HIVEP3: variants seen among roughly 807,000 people sequenced by gnomAD.
The protein encoded by HIVEP3 is transcription factor HIVEP3.
In HIVEP3, 49 loss-of-function variants were observed where a neutral mutation model predicts 152.8. The ratio of observed to expected loss-of-function variants is 0.32; its 90% CI spans 0.26 to 0.41. The LOEUF is 0.41. HIVEP3 is among the 10% of genes least tolerant of loss of function. HIVEP3 has a pLI of 1.00. For missense variants in HIVEP3, 2,790 were observed against 3,103.3 expected, an observed-to-expected ratio of 0.90 and a Z score of 2.40; for synonymous variants, 1,269 against 1,289.0, an observed-to-expected ratio of 0.98 and a Z score of 0.33.
intron 1 of HIVEP3, among the ~76,000 whole-genome samples, chr1:41,779,617 T>G (rs1320331057): frequency 2.0e-5 from 3 of 152,260 alleles, no homozygotes; most frequent in African/African-American, 7.2e-5. Context: ...TACTTCGGCC[T>G]CCCGAATAGC....
intron 1 of HIVEP3, among the ~76,000 whole-genome samples, chr1:41,735,331 G>A (rs572537123): frequency 3.3e-5 from 5 of 152,340 alleles, no homozygotes; most frequent in South Asian, 2.1e-4. Flanking sequence ...TGATGGTGAC[G>A]ATGGTGAAGA....
Position 41,580,159 on chromosome 1 carries a change from T to G in HIVEP3, c.4639A>C (p.Thr1547Pro). The change falls in exon 4 of 9, where the codon ACC becomes CCC. Residue 1547 changes from threonine (T) to proline (P), a missense_variant. By Grantham distance (38) the Thr-to-Pro change is conservative (BLOSUM62 -1). Transcript: ENST00000372583. ...PSGKPHRRGLTPLSVKKEDSK... is the reference protein window; with the variant it reads ...PSGKPHRRGLPPLSVKKEDSK... The stretch of plus-strand genomic sequence containing the variant: ...TCTTCTTTCTTCACGCTCAGTGGGG[T>G]CAACCCTCTTCGGTGAGGTTTGCCA... 6.2e-7 allele frequency: 1 copy of G among 1,613,184 alleles called. No individual in the cohort carries two copies. The highest frequency in any genetic ancestry group is 8.5e-7 in the Non-Finnish European group (1 of 1,179,470).
At chr1:41,692,160 T>A (rs755787535) in intron 2 of HIVEP3, among the ~76,000 whole-genome samples, 3 of 152,184 alleles carry the variant, frequency 2.0e-5, no homozygotes, top group Admixed American at 6.5e-5. Context: ...AAATTTTGAG[T>A]TGCCTAATGT....
chr1:41,734,706 A>C (rs1204778450), intron 1 of HIVEP3, among the ~76,000 whole-genome samples: 1 of 152,200 alleles, frequency 6.6e-6, no homozygotes, highest in Non-Finnish European at 1.5e-5. Flanking sequence ...TAGGAAGTCC[A>C]GCCAGAGACT....
intron 1 of HIVEP3, among the ~76,000 whole-genome samples, chr1:42,004,708 G>A (rs1645448590): frequency 6.6e-6 from 1 of 152,152 alleles, no homozygotes; most frequent in Admixed American, 6.5e-5. Flanking sequence ...ATTGAGCAGT[G>A]GTTCTCAAAG....
chr1:42,022,017 T>C (rs554415416), intron 1 of HIVEP3, among the ~76,000 whole-genome samples: 1 of 152,268 alleles, frequency 6.6e-6, no homozygotes, highest in African/African-American at 2.4e-5. Flanking sequence ...ATCTTAACCT[T>C]TAGTTCCAGG....
intron 1 of HIVEP3, among the ~76,000 whole-genome samples, chr1:41,735,069 T>A (rs531393897): frequency 6.6e-6 from 1 of 152,314 alleles, no homozygotes; most frequent in Non-Finnish European, 1.5e-5. Context: ...TTCAAGTAAT[T>A]TATGTGCTTC....
chr1:41,761,835 T>C (rs1647702931), intron 1 of HIVEP3, among the ~76,000 whole-genome samples: 1 of 152,234 alleles, frequency 6.6e-6, no homozygotes, highest in Non-Finnish European at 1.5e-5. Flanking sequence ...GATATGATAA[T>C]GGCAGGAGGC....
rs968072731 is a variant in HIVEP3, at chr1:41,843,866, A to G, written c.-801+74547T>C. On this transcript the variant is annotated intron_variant, in intron 1 of 8. Transcript: ENST00000372583. Reference sequence around the variant, plus strand: ...GGTGTGCTGCACCCAGTAACTCGTCATTTAACATTAGGTATGTCTCCAAAT... The same window carrying G: ...GGTGTGCTGCACCCAGTAACTCGTCGTTTAACATTAGGTATGTCTCCAAAT... Among the ~76,000 whole-genome samples the G allele has an allele frequency of 3.3e-5, 5 of 152,204 alleles. No homozygotes were observed. The South Asian group carries it at 8.3e-4, about 25-fold the overall frequency.
At chr1:41,753,332 A>G (rs1417224382) in intron 1 of HIVEP3, among the ~76,000 whole-genome samples, 1 of 152,204 alleles carries the variant, frequency 6.6e-6, no homozygotes, top group Non-Finnish European at 1.5e-5. Flanking sequence ...AATTCACTCC[A>G]AGGATATTCA....
At chr1:41,682,832 G>T (rs1310496384) in intron 2 of HIVEP3, among the ~76,000 whole-genome samples, 1 of 152,136 alleles carries the variant, frequency 6.6e-6, no homozygotes, top group Non-Finnish European at 1.5e-5. Flanking sequence ...CCTGGGCTTG[G>T]CCTGGGACTT....
intron 2 of HIVEP3, among the ~76,000 whole-genome samples, chr1:41,693,393 T>A (rs1043653167): frequency 1.6e-4 from 25 of 152,244 alleles, no homozygotes; most frequent in Non-Finnish European, 3.4e-4. Flanking sequence ...TTTGATTGTT[T>A]AATGTGTCTC....
chr1:41,585,457 A>G, intron 3 of HIVEP3, 139 bp from the exon 4 acceptor site: 1 of 397,088 alleles, frequency 2.5e-6, no homozygotes, highest in Non-Finnish European at 4.4e-6. Flanking sequence ...AACCAGGGAA[A>G]CTCAAGCAGA....
chr1:41,813,140 G>A (rs1651065510), intron 1 of HIVEP3, among the ~76,000 whole-genome samples: 1 of 152,146 alleles, frequency 6.6e-6, no homozygotes. Flanking sequence ...CCAAGTTCAA[G>A]CGATTCTTCT....
chr1:41,532,835 GA>G (rs1271834113), intron 5 of HIVEP3, among the ~76,000 whole-genome samples: 2 of 152,174 alleles, frequency 1.3e-5, no homozygotes, highest in Admixed American at 1.3e-4. Flanking sequence ...CTGAGAAGGG[GA>G]TATGTAGATT....
At chr1:41,914,428 A>G (rs1644840628) in intron 1 of HIVEP3, among the ~76,000 whole-genome samples, 1 of 152,250 alleles carries the variant, frequency 6.6e-6, no homozygotes, top group Non-Finnish European at 1.5e-5. Context: ...CAAAACAATG[A>G]ATGTATGTAC....
upstream of HIVEP3, among the ~76,000 whole-genome samples, chr1:41,923,668 G>T (rs897949451): frequency 1.3e-5 from 2 of 152,132 alleles, no homozygotes; most frequent in South Asian, 4.1e-4. Context: ...CACAAAGAAA[G>T]GGTAAATATG....
intron 1 of HIVEP3, among the ~76,000 whole-genome samples, chr1:41,767,106 C>T (rs1253701766): frequency 6.6e-6 from 1 of 152,198 alleles, no homozygotes; most frequent in Non-Finnish European, 1.5e-5. Context: ...TTACTCAGGT[C>T]CTGAACCTCT....
intron 2 of HIVEP3, among the ~76,000 whole-genome samples, chr1:41,667,440 C>T (rs1035376843): frequency 5.9e-5 from 9 of 152,268 alleles, no homozygotes; most frequent in African/African-American, 1.4e-4. Context: ...GGGACTCCCA[C>T]AGGGCTCAGC....
Sources: gnomAD v4.1 joint callset for allele counts (sites outside exome capture counted in the v4.1 genomes callset) on GRCh38, gnomAD v4.1.1 for gene constraint, MANE v1.5 for transcripts, NCBI Gene and HGNC (gene_info 2026-07-23, HGNC 2026-07-21) for gene names.